TSC22D1: variants seen among roughly 807,000 people sequenced by gnomAD.
TSC22D1 encodes the protein TSC22 domain family protein 1.
In TSC22D1, 9 loss-of-function variants were observed where a neutral mutation model predicts 74.2. The observed-to-expected ratio is 0.12, with a 90% CI of 0.07 to 0.21. The LOEUF (loss-of-function observed/expected upper bound fraction) is 0.21. Ranked by LOEUF, TSC22D1 falls within the 10% of genes least tolerant of loss-of-function variation. The pLI, the probability that TSC22D1 is intolerant of heterozygous loss-of-function variation, is 1.00. For synonymous variants in TSC22D1, 586 were observed against 492.5 expected, an observed-to-expected ratio of 1.19 and a Z score of -2.51; for missense variants, 1,427 against 1,304.7, an observed-to-expected ratio of 1.09 and a Z score of -1.44.
At chr13:44,567,614 A>T (rs566897573) in intron 1 of TSC22D1, among the ~76,000 whole-genome samples, 8 of 152,140 alleles carry the variant, frequency 5.3e-5, no homozygotes, top group Middle Eastern at 3.4e-3. Flanking sequence ...GCAAAAAAAA[A>T]GTTCTTGGAA....
intron 1 of TSC22D1, among the ~76,000 whole-genome samples, chr13:44,460,103 T>C (rs753088421): frequency 6.6e-6 from 1 of 152,232 alleles, no homozygotes; most frequent in Non-Finnish European, 1.5e-5. Flanking sequence ...GACAATAATA[T>C]TGTTATGACA....
chr13:44,537,406 A>C (rs1317988937), intron 1 of TSC22D1: 1 of 985,014 alleles, frequency 1.0e-6, no homozygotes, highest in African/African-American at 1.7e-5. Context: ...TAAGGAACAG[A>C]GCTAAAATTC....
At chr13:44,532,716 G>A (rs565631434) in intron 1 of TSC22D1, among the ~76,000 whole-genome samples, 9 of 151,962 alleles carry the variant, frequency 5.9e-5, no homozygotes, top group East Asian at 1.9e-4. Flanking sequence ...CCTGTGATCC[G>A]CCTGCCTCAG....
chr13:44,453,294 C>CTTT (rs374993211), intron 1 of TSC22D1, among the ~76,000 whole-genome samples: 3 of 560 alleles, frequency 5.4e-3, no homozygotes, highest in Non-Finnish European at 0.022. Context: ...CTTAATATAA[C>CTTT]TTTTTTGCAT....
chr13:44,538,250 CA>C, intron 1 of TSC22D1: 2 of 985,290 alleles, frequency 2.0e-6, no homozygotes, highest in Non-Finnish European at 2.4e-6. Flanking sequence ...ACTTACATCT[CA>C]AAAGATATTT....
chr13:44,531,092 A>G (rs1052276500), intron 1 of TSC22D1, among the ~76,000 whole-genome samples: 2 of 152,182 alleles, frequency 1.3e-5, no homozygotes, highest in African/African-American at 2.4e-5. Flanking sequence ...GCACGACAGA[A>G]AGCATGAACC....
At chr13:44,447,744 A>C (rs9533854) in intron 1 of TSC22D1, among the ~76,000 whole-genome samples, 15 of 151,704 alleles carry the variant, frequency 9.9e-5, no homozygotes, top group African/African-American at 3.6e-4. Context: ...AAACAATTTT[A>C]AGTTTTCCCA....
chr13:44,436,908 A>C (rs1028394965), intron 1 of TSC22D1: 77 of 1,076,608 alleles, frequency 7.2e-5, no homozygotes, highest in Non-Finnish European at 8.1e-5. Flanking sequence ...AGCTGCGCCG[A>C]TTGGCCGGCA....
At chr13:44,480,596 G>T (rs1231469061) in intron 1 of TSC22D1, among the ~76,000 whole-genome samples, 1 of 152,166 alleles carries the variant, frequency 6.6e-6, no homozygotes, top group Non-Finnish European at 1.5e-5. Context: ...GTTGGTACTA[G>T]TAGCTGTGAG....
intron 1 of TSC22D1, among the ~76,000 whole-genome samples, chr13:44,503,169 A>C (rs1003094858): frequency 3.3e-5 from 5 of 152,246 alleles, no homozygotes; most frequent in African/African-American, 9.6e-5. Flanking sequence ...TGAAATTTGA[A>C]GATAAAAATA....
chr13:44,570,122 T>C (rs1883658157), intron 1 of TSC22D1, among the ~76,000 whole-genome samples: 1 of 151,924 alleles, frequency 6.6e-6, no homozygotes, highest in African/African-American at 2.4e-5. Flanking sequence ...AAAGATGCAA[T>C]ACCTGTATTT....
At chr13:44,469,529 C>T (rs1008833163) in intron 1 of TSC22D1, among the ~76,000 whole-genome samples, 1 of 152,176 alleles carries the variant, frequency 6.6e-6, no homozygotes, top group African/African-American at 2.4e-5. Context: ...TTCTGGTAAT[C>T]TTGAAGTTCA....
At chr13:44,542,474 T>C (rs1449422922) in intron 1 of TSC22D1, among the ~76,000 whole-genome samples, 4 of 152,066 alleles carry the variant, frequency 2.6e-5, no homozygotes, top group Non-Finnish European at 4.4e-5. Context: ...ACAACAAACT[T>C]AGATTTAAAA....
chr13:44,573,628 T>C lies in TSC22D1; in HGVS notation c.2447A>G (p.Gln816Arg). The C allele has an allele frequency of 6.2e-7, 1 of 1,614,258 alleles. No homozygotes were observed. The highest frequency in any genetic ancestry group is 8.5e-7 in the Non-Finnish European group (1 of 1,180,050). The change falls in exon 1 of 3, where the codon CAG becomes CGG. Residue 816 changes from glutamine to arginine, a missense_variant. Physicochemically the swap from Gln to Arg is conservative, Grantham distance 43 (BLOSUM62 1). This residue lies in a region of TSC22D1 where 1,343 missense variants were observed against 1,191.5 expected (regional missense o/e 1.13). Transcript: ENST00000458659. ...VEPVAQGIVS[Q>R]QLPAVSSLPS... The stretch of plus-strand genomic sequence containing the variant: ...CAAAGAACTAACTGCAGGCAACTGC[T>C]GTGAAACAATTCCTTGAGCTACTGG...
At chr13:44,466,506 T>C (rs1189842385) in intron 1 of TSC22D1, among the ~76,000 whole-genome samples, 1 of 152,054 alleles carries the variant, frequency 6.6e-6, no homozygotes, top group East Asian at 1.9e-4. Context: ...TAGTGGCTCA[T>C]GCCTGTAATC....
At chr13:44,480,052 T>C (rs1878105803) in intron 1 of TSC22D1, among the ~76,000 whole-genome samples, 1 of 152,120 alleles carries the variant, frequency 6.6e-6, no homozygotes, top group Admixed American at 6.6e-5. Context: ...TACTGAGAAA[T>C]ATTAAATTTG....
rs185576685 is a variant in TSC22D1, at chr13:44,557,366, C to T, written c.2912+15797G>A. On this transcript the variant is annotated intron_variant, in intron 1 of 2. Coordinates refer to ENST00000458659, the MANE Select transcript of TSC22D1 (RefSeq NM_183422.4). ...ATCCCAGCTACTTGGGAGGCTGAGG[C>T]AGGAGAATTGCTTGAACCTGCGAGG... Among the ~76,000 whole-genome samples, 204 of 152,270 alleles carry T rather than the reference C, an allele frequency of 1.3e-3. 1 individual carries two copies. Among genetic ancestry groups the T allele is most frequent in the African/African-American group, 4.5e-3 (188 of 41,560 alleles).
intron 1 of TSC22D1, chr13:44,537,310 A>C (rs371938876): frequency 1.1e-5 from 11 of 981,110 alleles, no homozygotes; most frequent in Non-Finnish European, 9.7e-6. Context: ...GTTCACAATA[A>C]TATACAAAAA....
intron 1 of TSC22D1, among the ~76,000 whole-genome samples, chr13:44,510,672 A>C (rs1243506002): frequency 6.6e-6 from 1 of 152,036 alleles, no homozygotes; most frequent in Admixed American, 6.6e-5. Flanking sequence ...GGCTCACTAC[A>C]ACCTCCACCT....
Sources: allele counts gnomAD v4.1 joint callset (sites outside exome capture counted in the v4.1 genomes callset), GRCh38; gene constraint gnomAD v4.1.1; regional missense constraint gnomAD v4.1.1; transcripts MANE v1.5; gene names NCBI Gene and HGNC (gene_info 2026-07-23, HGNC 2026-07-21).